The following WWP1 variants were observed in gnomAD, a reference collection of about 807,000 sequenced individuals.
The protein encoded by WWP1 is NEDD4-like E3 ubiquitin-protein ligase WWP1.
Under a neutral mutation model 130.6 loss-of-function variants are expected in WWP1, and 49 were observed. The ratio of observed to expected loss-of-function variants is 0.38; its 90% CI spans 0.30 to 0.48. WWP1 has a LOEUF of 0.48. WWP1 is among the 20% of genes least tolerant of loss of function. The pLI, the probability that WWP1 is intolerant of heterozygous loss-of-function variation, is 0.99. For synonymous variants in WWP1, 332 were observed against 367.8 expected (o/e 0.90, Z 1.11); for missense variants, 809 against 1,100.6 (o/e 0.74, Z 3.75).
intron 9 of WWP1, among the ~76,000 whole-genome samples, chr8:86,422,235 T>C (rs574338132): frequency 2.2e-4 from 34 of 152,276 alleles, no homozygotes; most frequent in Non-Finnish European, 4.3e-4. Flanking sequence ...CTCGAGTTCT[T>C]GTGTTTAAGA....
intron 11 of WWP1, among the ~76,000 whole-genome samples, chr8:86,429,092 T>TCGCA (rs1809795200): frequency 5.3e-5 from 8 of 152,212 alleles, no homozygotes; most frequent in Admixed American, 5.2e-4. Context: ...GCCATCCATA[T>TCGCA]CGCACTTCAG....
chr8:86,429,160 A>G (rs907611017), intron 11 of WWP1, among the ~76,000 whole-genome samples: 2 of 152,190 alleles, frequency 1.3e-5, no homozygotes, highest in African/African-American at 4.8e-5. Flanking sequence ...AGTCTAGGCA[A>G]GAAGAAAGAG....
chr8:86,460,961 C>T (rs11994220), intron 22 of WWP1, among the ~76,000 whole-genome samples: 30,015 of 151,542 alleles, frequency 0.2, 5,075 homozygotes, highest in African/African-American at 0.46. Flanking sequence ...AGGCGCCCGA[C>T]ACCACGCCCG....
At position 86,448,617 on chromosome 8, in the gene WWP1, C is replaced by G. The variant is rs556549554; in HGVS notation, c.2273+104C>G. The G allele has an allele frequency of 4.4e-6, 5 of 1,126,646 alleles. No homozygotes were observed. The African/African-American group carries it at 8.0e-5, about 18-fold the overall frequency. The allele number at this position is 1,126,646 out of a possible 1,614,324, so 69.8% of individuals were successfully genotyped here. A position where few individuals can be genotyped will look rare whatever the true frequency, so the allele number is the denominator to read the frequency against. ...CCCCTTTTCATGCCTTTGGGAAGTTCTTCTCACCAGTACCAATGTTCTTGA... is the reference window on the plus strand; with the variant it reads ...CCCCTTTTCATGCCTTTGGGAAGTTGTTCTCACCAGTACCAATGTTCTTGA... On this transcript the variant is annotated intron_variant, in intron 20 of 24. Transcript: ENST00000517970.
At chr8:86,398,277 G>T in intron 5 of WWP1, 65 bp from the exon 6 acceptor site, 1 of 1,505,984 alleles carries the variant, frequency 6.6e-7, no homozygotes, top group Non-Finnish European at 8.9e-7. Flanking sequence ...TGAAATGTAG[G>T]TTTGATTTCT....
intron 24 of WWP1, among the ~76,000 whole-genome samples, chr8:86,465,324 G>GAAACA (rs71275855): frequency 0.27 from 40,785 of 151,730 alleles, 6,309 homozygotes; most frequent in East Asian, 0.53. Flanking sequence ...AAGTAAAAAA[G>GAAACA]AAACAAAACA....
At chr8:86,395,462 G>C (rs1373353862) in intron 5 of WWP1, among the ~76,000 whole-genome samples, 1 of 149,322 alleles carries the variant, frequency 6.7e-6, no homozygotes, top group Non-Finnish European at 1.5e-5. Context: ...TGAAAAACAT[G>C]AGTCCACAGA....
Position 86,468,194 on chromosome 8 carries a change from C to A in WWP1, c.*1301C>A. ...CATTAACTTAAACATTTTTTAATAG[C>A]CATGGAACTGACTTCTTAAAATCTG... On this transcript the variant is annotated 3_prime_UTR_variant, in exon 25 of 25. Coordinates refer to ENST00000517970, the MANE Select transcript of WWP1 (RefSeq NM_007013.4). 4.0e-6 allele frequency: 1 copy of A among 252,042 alleles called. No individual in the cohort carries two copies. Among genetic ancestry groups the A allele is most frequent in the Non-Finnish European group, 7.9e-6 (1 of 127,300 alleles). 15.6% of individuals were successfully genotyped at this position (252,042 alleles called of 1,614,324 possible).
intron 1 of WWP1, among the ~76,000 whole-genome samples, chr8:86,357,634 A>G (rs1313684337): frequency 6.6e-6 from 1 of 152,258 alleles, no homozygotes; most frequent in Non-Finnish European, 1.5e-5. Context: ...TTTAGTATTC[A>G]GTGAGATAAA....
At chr8:86,378,026 C>T (rs1443112567) in intron 3 of WWP1, among the ~76,000 whole-genome samples, 2 of 152,160 alleles carry the variant, frequency 1.3e-5, no homozygotes, top group East Asian at 1.9e-4. Flanking sequence ...TTGCTTTTCT[C>T]TTTACTTCTC....
intron 22 of WWP1, 26 bp downstream of exon 22, chr8:86,458,051 C>T (rs1381841107): frequency 6.4e-7 from 1 of 1,561,362 alleles, no homozygotes; most frequent in Non-Finnish European, 8.8e-7. Context: ...TTTTTTGAAA[C>T]AAAGTACTCA....
chr8:86,457,325 A>G (rs1298252133), intron 21 of WWP1, among the ~76,000 whole-genome samples: 2 of 151,960 alleles, frequency 1.3e-5, no homozygotes, highest in Non-Finnish European at 2.9e-5. Context: ...TTTCAAATAT[A>G]TAAGATAGCA....
chr8:86,428,842 A>G (rs1045628665), intron 11 of WWP1, among the ~76,000 whole-genome samples: 2 of 152,296 alleles, frequency 1.3e-5, no homozygotes, highest in East Asian at 1.9e-4. Context: ...ATAAAAAGTA[A>G]TACATATAGC....
At chr8:86,352,099 G>A (rs1822969737) in intron 1 of WWP1, among the ~76,000 whole-genome samples, 1 of 148,638 alleles carries the variant, frequency 6.7e-6, no homozygotes, top group Admixed American at 6.7e-5. Flanking sequence ...AGAGTGCAGT[G>A]GCAAGATCAT....
intron 5 of WWP1, among the ~76,000 whole-genome samples, chr8:86,391,593 A>G (rs1247720036): frequency 6.6e-6 from 1 of 152,006 alleles, no homozygotes; most frequent in Non-Finnish European, 1.5e-5. Context: ...AATCAATAAT[A>G]TGTTTTTGCA....
intron 1 of WWP1, among the ~76,000 whole-genome samples, chr8:86,364,511 G>A (rs894625194): frequency 6.6e-6 from 1 of 152,082 alleles, no homozygotes; most frequent in African/African-American, 2.4e-5. Context: ...AGTTTTCTGT[G>A]TAATTGTTTG....
intron 7 of WWP1, among the ~76,000 whole-genome samples, chr8:86,401,069 A>G (rs1414442298): frequency 6.6e-6 from 1 of 151,830 alleles, no homozygotes; most frequent in East Asian, 1.9e-4. Flanking sequence ...TCCACTGCCA[A>G]TAAGACTTAA....
intron 17 of WWP1, among the ~76,000 whole-genome samples, chr8:86,439,789 T>C (rs2130714143): frequency 6.6e-6 from 1 of 152,332 alleles, no homozygotes; most frequent in South Asian, 2.1e-4. Flanking sequence ...CAACAATTTA[T>C]TGTTTAGCAA....
intron 24 of WWP1, among the ~76,000 whole-genome samples, chr8:86,466,032 G>A (rs1812090077): frequency 6.6e-6 from 1 of 152,092 alleles, no homozygotes; most frequent in Non-Finnish European, 1.5e-5. Flanking sequence ...GGTACAGAAG[G>A]GTTCTGACTT....
Sources: allele counts gnomAD v4.1 joint callset (sites outside exome capture counted in the v4.1 genomes callset), GRCh38; gene constraint gnomAD v4.1.1; transcripts MANE v1.5; gene names NCBI Gene and HGNC (gene_info 2026-07-23, HGNC 2026-07-21).